Variants in TULP3 observed in about 807,000 individuals in gnomAD.
The protein encoded by TULP3 is TUB like protein 3, also known as tubby-related protein 3.
Under a neutral mutation model 50.7 loss-of-function variants are expected in TULP3, and 38 were observed. That is an observed-to-expected ratio of 0.75 (90% CI 0.58 to 0.98). The LOEUF is 0.98. TULP3 is among the 50% of genes least tolerant of loss of function. The pLI is 0.00. For synonymous variants in TULP3, 183 were observed against 196.6 expected (o/e 0.93, Z 0.58); for missense variants, 550 against 568.0 (o/e 0.97, Z 0.32).
At chr12:2,926,265 C>T (rs1392880699) in intron 4 of TULP3, among the ~76,000 whole-genome samples, 1 of 151,242 alleles carries the variant, frequency 6.6e-6, no homozygotes, top group Non-Finnish European at 1.5e-5. Flanking sequence ...TTTGGGAAGC[C>T]GAGGTGGGCG....
At position 2,931,152 on chromosome 12, in the gene TULP3, G is replaced by C. The variant is rs776341624; in HGVS notation, c.608G>C (p.Arg203Thr). 6.2e-7 allele frequency: 1 copy of C among 1,614,202 alleles called. No homozygotes were observed. The highest frequency in any genetic ancestry group is 8.5e-7 in the Non-Finnish European group (1 of 1,180,036). The stretch of plus-strand genomic sequence containing the variant: ...CCTGCCCCTCAAGGTGTCACAGTAA[G>C]ATGTCGGATAATCCGGGATAAAAGG... ...YSPAPQGVTVRCRIIRDKRGM... is the reference protein window; with the variant it reads ...YSPAPQGVTVTCRIIRDKRGM... The change falls in exon 6 of 11, where the codon AGA becomes ACA. Residue 203 changes from arginine (R) to threonine (T), a missense_variant. Transcript: ENST00000448120.
chr12:2,934,434 C>A lies in TULP3; in HGVS notation c.810-13C>A. The A allele has an allele frequency of 6.5e-7, 1 of 1,530,616 alleles. No individual in the cohort carries two copies. Among genetic ancestry groups the A allele is most frequent in the Non-Finnish European group, 8.8e-7 (1 of 1,137,858 alleles). The allele number at this position is 1,530,616 out of a possible 1,614,324, so 94.8% of individuals were successfully genotyped here. The stretch of plus-strand genomic sequence containing the variant: ...ATACAGATCATCATGGTGACTTTTT[C>A]TCCTGACTCCAGATCCAACCTCATG... On this transcript the variant is annotated splice_polypyrimidine_tract_variant and intron_variant, in intron 7 of 10. Coordinates refer to ENST00000448120, the MANE Select transcript of TULP3 (RefSeq NM_003324.5).
At chr12:2,913,201 T>TTGTGTG (rs138018559) in intron 2 of TULP3, among the ~76,000 whole-genome samples, 4,371 of 146,474 alleles carry the variant, frequency 0.03, 73 homozygotes, top group Middle Eastern at 0.059. Context: ...TATGTTGAGT[T>TTGTGTG]TGTGTGTGTG....
intron 1 of TULP3, among the ~76,000 whole-genome samples, chr12:2,904,137 T>C (rs1263059319): frequency 6.6e-6 from 1 of 152,176 alleles, no homozygotes; most frequent in East Asian, 1.9e-4. Context: ...GAAATTAATA[T>C]AGAATCAGTA....
intron 4 of TULP3, among the ~76,000 whole-genome samples, chr12:2,929,322 A>C (rs1338629609): frequency 6.6e-6 from 1 of 152,118 alleles, no homozygotes; most frequent in African/African-American, 2.4e-5. Context: ...GTCTCAAAAA[A>C]AAAAAGAGTT....
chr12:2,892,518 C>G (rs2153947103), intron 1 of TULP3, among the ~76,000 whole-genome samples: 1 of 149,670 alleles, frequency 6.7e-6, no homozygotes, highest in East Asian at 2.0e-4. Context: ...CTTTTCCTTC[C>G]TTTTTTTTTT....
intron 1 of TULP3, among the ~76,000 whole-genome samples, chr12:2,904,869 T>C (rs1027444060): frequency 3.9e-4 from 60 of 152,074 alleles, no homozygotes; most frequent in African/African-American, 1.4e-3. Flanking sequence ...GAGGCCGAGG[T>C]GGTCAGATCA....
chr12:2,919,192 G>A (rs373643466), intron 2 of TULP3, among the ~76,000 whole-genome samples: 89 of 152,208 alleles, frequency 5.8e-4, no homozygotes, highest in Middle Eastern at 6.8e-3. Context: ...GCGCCCGGCT[G>A]CTAGAAGAAT....
intron 8 of TULP3, among the ~76,000 whole-genome samples, chr12:2,935,105 G>C (rs903811319): frequency 6.6e-6 from 1 of 152,144 alleles, no homozygotes; most frequent in Non-Finnish European, 1.5e-5. Context: ...TGATCCTCCT[G>C]TTCTGCTTCA....
At position 2,940,616 on chromosome 12, in the gene TULP3, T is replaced by C. The variant is rs1422315575; in HGVS notation, c.*1172T>C. On this transcript the variant is annotated 3_prime_UTR_variant, in exon 11 of 11. Transcript: ENST00000448120. Reference sequence around the variant, plus strand: ...TGCATCCCTTGTGCACAGAACTGTTTGCCAGCGTTGGGTGGGACACCCGTG... The same window carrying C: ...TGCATCCCTTGTGCACAGAACTGTTCGCCAGCGTTGGGTGGGACACCCGTG... 4 of 1,551,640 alleles carry C rather than the reference T, an allele frequency of 2.6e-6. No individual in the cohort carries two copies. In the African/African-American group the frequency reaches 4.1e-5, roughly 16 times the overall value.
intron 1 of TULP3, among the ~76,000 whole-genome samples, chr12:2,897,463 G>A (rs73040570): frequency 0.038 from 5,738 of 152,196 alleles, 170 homozygotes; most frequent in Middle Eastern, 0.065. Flanking sequence ...GTATTAAGAA[G>A]TATTGTAAAA....
chr12:2,925,013 T>C (rs1373441637), intron 4 of TULP3, among the ~76,000 whole-genome samples: 2 of 151,884 alleles, frequency 1.3e-5, no homozygotes, highest in Non-Finnish European at 2.9e-5. Flanking sequence ...CTGTCTCTAC[T>C]AAAAATTAGC....
chr12:2,921,618 A>G (rs897242386), intron 3 of TULP3, among the ~76,000 whole-genome samples: 8 of 152,268 alleles, frequency 5.3e-5, no homozygotes, highest in Non-Finnish European at 7.4e-5. Context: ...GAGGAAGAAT[A>G]AGATTGTAAG....
At chr12:2,927,919 T>A (rs2098195610) in intron 4 of TULP3, among the ~76,000 whole-genome samples, 2 of 152,146 alleles carry the variant, frequency 1.3e-5, no homozygotes. Flanking sequence ...TCTGCCTCTT[T>A]CTCTTGGAGA....
At chr12:2,933,192 C>T (rs1166087744) in intron 6 of TULP3, among the ~76,000 whole-genome samples, 2 of 152,118 alleles carry the variant, frequency 1.3e-5, no homozygotes, top group African/African-American at 2.4e-5. Context: ...CTGCCCACCT[C>T]GGCCTCCCAA....
intron 1 of TULP3, among the ~76,000 whole-genome samples, chr12:2,895,982 T>C: frequency 6.6e-6 from 1 of 151,106 alleles, no homozygotes; most frequent in Non-Finnish European, 1.5e-5. Context: ...TCTTTGTTAC[T>C]CAGGCTGGAG....
intron 2 of TULP3, among the ~76,000 whole-genome samples, chr12:2,911,209 A>T (rs2098185260): frequency 6.6e-6 from 1 of 152,134 alleles, no homozygotes; most frequent in Non-Finnish European, 1.5e-5. Flanking sequence ...ATTTTTTTTA[A>T]ATTATGTTTT....
intron 1 of TULP3, among the ~76,000 whole-genome samples, chr12:2,900,565 C>T (rs1215099809): frequency 6.6e-6 from 1 of 151,360 alleles, no homozygotes; most frequent in African/African-American, 2.4e-5. Flanking sequence ...TAATAAAGTA[C>T]TCTTTTTAAA....
In TULP3 at chr12:2,941,000, CCTG is replaced by C. The variant is rs2153950836; in HGVS notation, c.*1559_*1561del. On this transcript the variant is annotated 3_prime_UTR_variant, in exon 11 of 11. Coordinates refer to ENST00000448120, the MANE Select transcript of TULP3 (RefSeq NM_003324.5). ...TTATGGTGGGCCAGGTGGACCTCAT[CCTG>C]CTTCTTCCTCCCTCTGGTTTAAAGA... is the stretch of plus-strand genomic sequence containing the variant. 2.4e-6 allele frequency: 1 copy of C among 415,454 alleles called. No homozygotes were observed. The highest frequency in any genetic ancestry group is 4.0e-5 in the East Asian group (1 of 25,078). The allele number at this position is 415,454 out of a possible 1,614,324, so 25.7% of individuals were successfully genotyped here.
Sources: gnomAD v4.1 joint callset for allele counts (sites outside exome capture counted in the v4.1 genomes callset) on GRCh38, gnomAD v4.1.1 for gene constraint, MANE v1.5 for transcripts, NCBI Gene and HGNC (gene_info 2026-07-23, HGNC 2026-07-21) for gene names.